The following CSMD1 variants were observed in gnomAD, a reference collection of about 807,000 sequenced individuals.
The protein encoded by CSMD1 is CUB and Sushi multiple domains 1.
In CSMD1, 213 loss-of-function variants were observed where a neutral mutation model predicts 417.5. The observed-to-expected ratio is 0.51, with a 90% confidence interval of 0.46 to 0.57. CSMD1 has a LOEUF of 0.57. CSMD1 is among the 20% of genes least tolerant of loss of function. The pLI is 0.00. For missense variants in CSMD1, 6,923 were observed against 4,529.7 expected, an observed-to-expected ratio of 1.53 and a Z score of -15.17; for synonymous variants, 2,862 against 1,736.8, an observed-to-expected ratio of 1.65 and a Z score of -16.11.
chr8:4,274,580 A>T (rs1037023475), intron 3 of CSMD1, among the ~76,000 whole-genome samples: 4 of 152,186 alleles, frequency 2.6e-5, no homozygotes, highest in Non-Finnish European at 5.9e-5. Context: ...TCTTTAAATT[A>T]TATCTATTCT....
At chr8:3,437,525 A>C (rs147469412) in intron 12 of CSMD1, among the ~76,000 whole-genome samples, 117 of 152,350 alleles carry the variant, frequency 7.7e-4, no homozygotes, top group Admixed American at 7.6e-3. Flanking sequence ...CTGCTCAAAG[A>C]AACTTCAACA....
At position 3,189,942 on chromosome 8, in the gene CSMD1, G is replaced by T. The variant is rs768385468; in HGVS notation, c.5368C>A (p.Gln1790Lys). The stretch of plus-strand genomic sequence containing the variant: ...CAGCTGGGGATCGTGTCGTTCCACT[G>T]TGCCAAGGCGTTGGGCACGGACTGG... The part of the protein sequence containing the change: ...HCQSVPNALA[Q>K]WNDTIPSCVV... Residue 1790 changes from glutamine (Q) to lysine (K), a missense_variant, in exon 34 of 70, where the codon CAG becomes AAG. Physicochemically the swap from Gln to Lys is moderately conservative, Grantham distance 53 (BLOSUM62 1). Transcript: ENST00000635120. 7.5e-6 allele frequency: 12 copies of T among 1,592,012 alleles called. No homozygotes were observed. Among genetic ancestry groups the T allele is most frequent in the Non-Finnish European group, 7.7e-6 (9 of 1,169,592 alleles).
chr8:3,501,224 G>A lies in CSMD1; in HGVS notation c.1345-7498C>T, dbSNP rs543134847. Among the ~76,000 whole-genome samples the A allele has an allele frequency of 1.3e-4, 20 of 152,102 alleles. No individual in the cohort carries two copies. The South Asian group carries it at 3.7e-3, about 28-fold the overall frequency. On this transcript the variant is annotated intron_variant, in intron 10 of 69. Transcript: ENST00000635120. ...ACTGATCTCTATGATCTTTGCCTCTGTGCATGTGCATACACACATGCTCAC... is the reference window on the plus strand; with the variant it reads ...ACTGATCTCTATGATCTTTGCCTCTATGCATGTGCATACACACATGCTCAC...
chr8:4,277,497 T>C (rs1040528628), intron 3 of CSMD1, among the ~76,000 whole-genome samples: 8 of 152,270 alleles, frequency 5.3e-5, no homozygotes, highest in African/African-American at 1.9e-4. Flanking sequence ...ATATTCTCAT[T>C]GTTTCCTGGT....
intron 10 of CSMD1, among the ~76,000 whole-genome samples, chr8:3,513,687 T>G (rs1013571217): frequency 6.6e-6 from 1 of 152,182 alleles, no homozygotes; most frequent in Admixed American, 6.5e-5. Context: ...CCACAAAATA[T>G]AGACACTTGG....
At chr8:3,004,491 C>A (rs964336938) in intron 52 of CSMD1, among the ~76,000 whole-genome samples, 2 of 152,066 alleles carry the variant, frequency 1.3e-5, no homozygotes, top group African/African-American at 2.4e-5. Flanking sequence ...TAATCTGAAC[C>A]CAGCAGGACT....
At chr8:3,546,838 G>C (rs1008235660) in intron 10 of CSMD1, among the ~76,000 whole-genome samples, 1 of 152,182 alleles carries the variant, frequency 6.6e-6, no homozygotes, top group Non-Finnish European at 1.5e-5. Context: ...TGTTATTACT[G>C]AAATGAAAGG....
At chr8:4,970,739 GC>G (rs1383976635) in intron 1 of CSMD1, among the ~76,000 whole-genome samples, 3 of 152,116 alleles carry the variant, frequency 2.0e-5, no homozygotes, top group African/African-American at 4.8e-5. Context: ...AAGTGTGCCT[GC>G]CGTGGTTCTT....
At chr8:3,063,865 T>C (rs1039412363) in intron 49 of CSMD1, among the ~76,000 whole-genome samples, 3 of 152,126 alleles carry the variant, frequency 2.0e-5, no homozygotes, top group African/African-American at 4.8e-5. Flanking sequence ...AGTTTCAGTT[T>C]TGCAAGTTAG....
chr8:4,058,977 A>T (rs1415457813), intron 3 of CSMD1, among the ~76,000 whole-genome samples: 1 of 151,912 alleles, frequency 6.6e-6, no homozygotes, highest in African/African-American at 2.4e-5. Flanking sequence ...ACCCCAAATC[A>T]ACACAACACA....
chr8:3,169,172 G>A (rs1194379625), intron 37 of CSMD1, among the ~76,000 whole-genome samples: 1 of 152,108 alleles, frequency 6.6e-6, no homozygotes, highest in African/African-American at 2.4e-5. Context: ...TTACACATGT[G>A]CAGGAATCAT....
intron 5 of CSMD1, among the ~76,000 whole-genome samples, chr8:3,837,748 C>G (rs1802803163): frequency 6.6e-6 from 1 of 152,012 alleles, no homozygotes; most frequent in Admixed American, 6.6e-5. Flanking sequence ...CCTCCTGGCT[C>G]CTCCCAGTTT....
chr8:4,184,944 C>T (rs1233667525), intron 3 of CSMD1, among the ~76,000 whole-genome samples: 1 of 151,890 alleles, frequency 6.6e-6, no homozygotes, highest in African/African-American at 2.4e-5. Context: ...TCAAGACCAG[C>T]CTCCCCAATG....
chr8:3,125,411 C>T (rs575302620), intron 41 of CSMD1, among the ~76,000 whole-genome samples: 29 of 152,224 alleles, frequency 1.9e-4, no homozygotes, highest in African/African-American at 7.0e-4. Flanking sequence ...AAAGCATTCA[C>T]CCTCATAAAT....
intron 2 of CSMD1, among the ~76,000 whole-genome samples, chr8:4,522,701 T>C (rs191470996): frequency 1.4e-4 from 22 of 152,240 alleles, no homozygotes; most frequent in African/African-American, 5.1e-4. Flanking sequence ...TCATCTCACT[T>C]TACCAAAGCA....
At chr8:4,496,327 G>A (rs1011173952) in intron 2 of CSMD1, among the ~76,000 whole-genome samples, 1 of 152,172 alleles carries the variant, frequency 6.6e-6, no homozygotes, top group East Asian at 1.9e-4. Context: ...GGACTCCTTA[G>A]GTTCTGCTCA....
intron 5 of CSMD1, among the ~76,000 whole-genome samples, chr8:3,976,799 G>T (rs143808879): frequency 1.3e-5 from 2 of 152,104 alleles, no homozygotes; most frequent in East Asian, 3.9e-4. Flanking sequence ...GCTCAAGGTC[G>T]CATGCCTGTA....
chr8:4,067,817 G>A (rs1255582843), intron 3 of CSMD1, among the ~76,000 whole-genome samples: 3 of 151,936 alleles, frequency 2.0e-5, no homozygotes, highest in Non-Finnish European at 2.9e-5. Context: ...AGTGGCTCAT[G>A]TCTGTGATCC....
intron 3 of CSMD1, among the ~76,000 whole-genome samples, chr8:4,272,345 A>G (rs1259016866): frequency 6.6e-6 from 1 of 152,210 alleles, no homozygotes; most frequent in Non-Finnish European, 1.5e-5. Flanking sequence ...AAAGCATGTT[A>G]TTCCACTAAT....
Sources: gnomAD v4.1 joint callset for allele counts (sites outside exome capture counted in the v4.1 genomes callset) on GRCh38, gnomAD v4.1.1 for gene constraint, MANE v1.5 for transcripts, NCBI Gene and HGNC (gene_info 2026-07-23, HGNC 2026-07-21) for gene names.